The following RPS6KC1 variants were observed in gnomAD, a reference collection of about 807,000 sequenced individuals.
The protein encoded by RPS6KC1 is ribosomal protein S6 kinase C1.
In RPS6KC1, 54 loss-of-function variants were observed where a neutral mutation model predicts 103.8. That is an observed-to-expected ratio of 0.52 (90% confidence interval 0.42 to 0.65). RPS6KC1 has a LOEUF of 0.65. RPS6KC1 is among the 30% of genes least tolerant of loss of function. The probability of loss-of-function intolerance (pLI) is 0.00; values close to 1 mark genes in which losing one functional copy is unlikely to be tolerated. For synonymous variants in RPS6KC1, 439 were observed against 438.7 expected, an observed-to-expected ratio of 1.00 and a Z score of -0.01; for missense variants, 1,151 against 1,253.8, an observed-to-expected ratio of 0.92 and a Z score of 1.24.
the RPS6KC1 span, among the ~76,000 whole-genome samples, chr1:213,360,661 G>C: frequency 6.6e-6 from 1 of 152,138 alleles, no homozygotes; most frequent in East Asian, 1.9e-4. Flanking sequence ...AGTTTTTTCT[G>C]TTCTGTTTTT....
the RPS6KC1 span, among the ~76,000 whole-genome samples, chr1:213,315,506 AG>A: frequency 6.6e-6 from 1 of 152,280 alleles, no homozygotes; most frequent in Admixed American, 6.5e-5. Flanking sequence ...TTTCACAAGA[AG>A]CATTATTTGT....
At chr1:213,850,893 T>G in the RPS6KC1 span, among the ~76,000 whole-genome samples, 2 of 152,144 alleles carry the variant, frequency 1.3e-5, no homozygotes, top group Non-Finnish European at 2.9e-5. Context: ...TTAGCTGATT[T>G]CATGTATTGT....
At chr1:213,819,097 C>T in the RPS6KC1 span, 1 of 152,278 alleles carries the variant, frequency 6.6e-6, no homozygotes, top group African/African-American at 2.4e-5. Context: ...ACCTCACAAC[C>T]ACCTGGAAAA....
chr1:213,075,266 A>G (rs1328741724), intron 2 of RPS6KC1, among the ~76,000 whole-genome samples: 1 of 152,162 alleles, frequency 6.6e-6, no homozygotes, highest in African/African-American at 2.4e-5. Flanking sequence ...TTATAATGAC[A>G]TTTACCTTAT....
chr1:213,084,712 C>G (rs1297997056), intron 3 of RPS6KC1, among the ~76,000 whole-genome samples: 2 of 152,070 alleles, frequency 1.3e-5, no homozygotes. Flanking sequence ...GTTAATATAG[C>G]CGTTTTTTGT....
the RPS6KC1 span, among the ~76,000 whole-genome samples, chr1:213,516,357 G>A: frequency 6.6e-6 from 1 of 152,088 alleles, no homozygotes; most frequent in African/African-American, 2.4e-5. Context: ...TATGATATTG[G>A]CTGTGGGTTT....
At chr1:213,613,309 A>T in the RPS6KC1 span, among the ~76,000 whole-genome samples, 1 of 152,180 alleles carries the variant, frequency 6.6e-6, no homozygotes, top group Non-Finnish European at 1.5e-5. Context: ...CTATAGGTTG[A>T]TCTTTGTCAT....
At chr1:213,604,548 T>G in the RPS6KC1 span, among the ~76,000 whole-genome samples, 5,331 of 152,316 alleles carry the variant, frequency 0.035, 295 homozygotes, top group East Asian at 0.27. Flanking sequence ...TTCTGGGAAT[T>G]GTGTCCCTGC....
chr1:213,375,248 TATACACAC>T, the RPS6KC1 span, among the ~76,000 whole-genome samples: 5 of 151,588 alleles, frequency 3.3e-5, no homozygotes, highest in African/African-American at 4.9e-5. Flanking sequence ...TACACACATA[TATACACAC>T]ATACACACAT....
intron 8 of RPS6KC1, among the ~76,000 whole-genome samples, chr1:213,191,673 G>A (rs1260770306): frequency 2.0e-5 from 3 of 151,950 alleles, no homozygotes; most frequent in Admixed American, 6.6e-5. Flanking sequence ...TTCTGGTACT[G>A]TATTGAATAA....
At chr1:213,799,660 A>T in the RPS6KC1 span, among the ~76,000 whole-genome samples, 3 of 152,340 alleles carry the variant, frequency 2.0e-5, no homozygotes, top group African/African-American at 4.8e-5. Flanking sequence ...CTCATTTGTC[A>T]TGAGGAAATA....
the RPS6KC1 span, among the ~76,000 whole-genome samples, chr1:213,369,218 A>T: frequency 6.6e-6 from 1 of 152,222 alleles, no homozygotes; most frequent in East Asian, 1.9e-4. Context: ...TTGAAGTTAT[A>T]GGGCATGAGT....
At chr1:213,364,024 A>G in the RPS6KC1 span, among the ~76,000 whole-genome samples, 1 of 152,022 alleles carries the variant, frequency 6.6e-6, no homozygotes, top group South Asian at 2.1e-4. Flanking sequence ...TATTTAGTGC[A>G]GGGATTGGCA....
the RPS6KC1 span, among the ~76,000 whole-genome samples, chr1:213,344,050 C>T: frequency 1.3e-5 from 2 of 152,072 alleles, no homozygotes; most frequent in Admixed American, 1.3e-4. Context: ...ATTTTATCTC[C>T]CACATAGCTT....
chr1:213,105,770 A>G (rs1392951025), intron 4 of RPS6KC1, among the ~76,000 whole-genome samples: 1 of 152,220 alleles, frequency 6.6e-6, no homozygotes, highest in Non-Finnish European at 1.5e-5. Context: ...GATAAAGGCC[A>G]AATCAAATTG....
At chr1:213,527,413 TCAGTAA>T in the RPS6KC1 span, among the ~76,000 whole-genome samples, 1 of 152,072 alleles carries the variant, frequency 6.6e-6, no homozygotes, top group East Asian at 1.9e-4. Flanking sequence ...AACCCCAGAG[TCAGTAA>T]CAGTGACAGT....
chr1:213,332,650 G>T, the RPS6KC1 span, among the ~76,000 whole-genome samples: 2 of 152,158 alleles, frequency 1.3e-5, no homozygotes, highest in South Asian at 2.1e-4. Flanking sequence ...CTCTGTGGTG[G>T]CTGTGGCAGA....
intron 3 of RPS6KC1, 28 bp from the exon 4 acceptor site, chr1:213,104,426 T>C: frequency 7.1e-7 from 1 of 1,406,386 alleles, no homozygotes. Context: ...CATTCTTCCC[T>C]TAAGTGTTGA....
chr1:213,414,013 C>A, the RPS6KC1 span, among the ~76,000 whole-genome samples: 1 of 152,316 alleles, frequency 6.6e-6, no homozygotes, highest in East Asian at 1.9e-4. Context: ...TGACCTTACC[C>A]AGGGGTCTTC....
Sources: allele counts gnomAD v4.1 joint callset (sites outside exome capture counted in the v4.1 genomes callset), GRCh38; gene constraint gnomAD v4.1.1; transcripts MANE v1.5; gene names NCBI Gene and HGNC (gene_info 2026-07-23, HGNC 2026-07-21).